Variants in DPY19L3 observed in about 807,000 individuals in gnomAD.
DPY19L3 encodes protein C-mannosyl-transferase DPY19L3.
In DPY19L3, 51 loss-of-function variants were observed where a neutral mutation model predicts 92.3. The observed-to-expected ratio is 0.55, with a 90% CI of 0.44 to 0.70. The LOEUF (loss-of-function observed/expected upper bound fraction) is 0.70, where lower values mean the gene tolerates loss of function less well. Ranked by LOEUF, DPY19L3 falls within the 30% of genes least tolerant of loss-of-function variation. The pLI, the probability that DPY19L3 is intolerant of heterozygous loss-of-function variation, is 0.00. For missense variants in DPY19L3, 706 were observed against 855.9 expected (o/e 0.82, Z 2.18); for synonymous variants, 309 against 315.2 (o/e 0.98, Z 0.21).
chr19:32,455,050 T>G lies in DPY19L3; in HGVS notation c.1089+10T>G. 6.9e-7 allele frequency: 1 copy of G among 1,445,280 alleles called. No homozygotes were observed. Among genetic ancestry groups the G allele is most frequent in the Non-Finnish European group, 9.4e-7 (1 of 1,065,248 alleles). The allele number at this position is 1,445,280 out of a possible 1,614,324, so 89.5% of individuals were successfully genotyped here. ...CAACAACATAATTAAGGTAAGTTAA[T>G]AAAAATGACATGTTTAATGTATTTT... On this transcript the variant is annotated intron_variant, in intron 10 of 18. Transcript: ENST00000392250.
intron 3 of DPY19L3, among the ~76,000 whole-genome samples, chr19:32,427,554 TA>T (rs962440354): frequency 7.9e-5 from 12 of 152,328 alleles, no homozygotes; most frequent in African/African-American, 2.9e-4. Context: ...TTAGAATAGA[TA>T]GGGGTAATCC....
chr19:32,447,410 T>C (rs1054420086), intron 8 of DPY19L3, among the ~76,000 whole-genome samples: 1 of 151,928 alleles, frequency 6.6e-6, no homozygotes, highest in African/African-American at 2.4e-5. Flanking sequence ...ACATGAATAA[T>C]AGAATTAATT....
At chr19:32,437,138 C>T in intron 5 of DPY19L3, 56 bp from the exon 6 acceptor site, 2 of 1,601,086 alleles carry the variant, frequency 1.2e-6, no homozygotes, top group Non-Finnish European at 1.7e-6. Context: ...TTTTAAATGG[C>T]ACTGAGGAGG....
chr19:32,479,668 A>G (rs980639488), intron 17 of DPY19L3: 2 of 390,258 alleles, frequency 5.1e-6, no homozygotes, highest in African/African-American at 4.3e-5. Flanking sequence ...GAACCCCCAC[A>G]TTCAACACCT....
chr19:32,436,975 T>C (rs561123041), intron 5 of DPY19L3, among the ~76,000 whole-genome samples: 2 of 151,100 alleles, frequency 1.3e-5, no homozygotes, highest in African/African-American at 2.4e-5. Flanking sequence ...GAGTAAAGAG[T>C]GAAGCCAGAC....
At chr19:32,460,403 C>G (rs999698183) in intron 12 of DPY19L3, among the ~76,000 whole-genome samples, 2 of 151,854 alleles carry the variant, frequency 1.3e-5, no homozygotes, top group African/African-American at 2.4e-5. Context: ...AGAGTGAGAC[C>G]CTATCTCTAT....
intron 3 of DPY19L3, among the ~76,000 whole-genome samples, chr19:32,418,564 A>G (rs2145421415): frequency 6.6e-6 from 1 of 152,346 alleles, no homozygotes; most frequent in Non-Finnish European, 1.5e-5. Flanking sequence ...AATTATAAAT[A>G]TCACTGAACA....
At chr19:32,429,031 TA>T (rs1968869410) in intron 3 of DPY19L3, among the ~76,000 whole-genome samples, 1 of 151,980 alleles carries the variant, frequency 6.6e-6, no homozygotes, top group South Asian at 2.1e-4. Context: ...GTATTTTTAG[TA>T]GAGACGGGGT....
chr19:32,433,444 G>A (rs1283538081), intron 4 of DPY19L3, among the ~76,000 whole-genome samples: 3 of 152,158 alleles, frequency 2.0e-5, no homozygotes, highest in African/African-American at 7.2e-5. Context: ...TTGAGACAGG[G>A]TCTCACTCTG....
intron 15 of DPY19L3, among the ~76,000 whole-genome samples, chr19:32,467,098 C>T (rs778616390): frequency 1.3e-5 from 2 of 152,150 alleles, no homozygotes; most frequent in African/African-American, 4.8e-5. Flanking sequence ...GCCTGCACTC[C>T]GAAGTCAAGA....
chr19:32,428,992 C>T (rs946032903), intron 3 of DPY19L3, among the ~76,000 whole-genome samples: 11 of 152,118 alleles, frequency 7.2e-5, no homozygotes, highest in Admixed American at 2.6e-4. Context: ...GGATTACAGG[C>T]GCCTGCCACC....
At chr19:32,450,559 T>TA (rs1969666562) in intron 8 of DPY19L3, among the ~76,000 whole-genome samples, 1 of 152,222 alleles carries the variant, frequency 6.6e-6, no homozygotes, top group East Asian at 1.9e-4. Flanking sequence ...AGAATGTTGA[T>TA]ACATGGTGCA....
chr19:32,419,034 A>G (rs1340034158), intron 3 of DPY19L3, among the ~76,000 whole-genome samples: 1 of 152,004 alleles, frequency 6.6e-6, no homozygotes, highest in Non-Finnish European at 1.5e-5. Flanking sequence ...TATTGTCTTC[A>G]TTGTATTATA....
Position 32,482,751 on chromosome 19 carries a change from G to C in DPY19L3, c.*511G>C, listed in dbSNP as rs557918198. On this transcript the variant is annotated 3_prime_UTR_variant, in exon 19 of 19. Coordinates refer to ENST00000392250, the MANE Select transcript of DPY19L3 (RefSeq NM_001172774.2). ...TAAAATGTTATAATATTTTCCAGTTGTCATGCTGTCAACATTAACAAAAAA... is the reference window on the plus strand; with the variant it reads ...TAAAATGTTATAATATTTTCCAGTTCTCATGCTGTCAACATTAACAAAAAA... 4.5e-4 allele frequency: 69 copies of C among 152,922 alleles called. No homozygotes were observed. Among genetic ancestry groups the C allele is most frequent in the African/African-American group, 1.6e-3 (67 of 41,528 alleles). 9.5% of individuals were successfully genotyped at this position (152,922 alleles called of 1,614,324 possible). A position where few individuals can be genotyped will look rare whatever the true frequency, so the allele number is the denominator to read the frequency against.
chr19:32,479,964 G>A (rs71351166), intron 17 of DPY19L3, among the ~76,000 whole-genome samples: 8,808 of 152,290 alleles, frequency 0.058, 395 homozygotes, highest in East Asian at 0.28. Context: ...TTCAGAAGCT[G>A]GGGCTCTGCC....
intron 3 of DPY19L3, among the ~76,000 whole-genome samples, chr19:32,432,374 T>G (rs1968997739): frequency 6.6e-6 from 1 of 152,232 alleles, no homozygotes; most frequent in Admixed American, 6.5e-5. Flanking sequence ...TTGGTAGCTT[T>G]TAGGTAGGTG....
intron 9 of DPY19L3, 31 bp from the exon 10 acceptor site, chr19:32,454,908 A>G (rs1969819149): frequency 7.3e-7 from 1 of 1,373,942 alleles, no homozygotes; most frequent in African/African-American, 1.5e-5. Context: ...TTAAAACTTA[A>G]GAATTAAAAC....
At chr19:32,420,101 G>A (rs987278609) in intron 3 of DPY19L3, among the ~76,000 whole-genome samples, 3 of 150,798 alleles carry the variant, frequency 2.0e-5, no homozygotes, top group Admixed American at 6.6e-5. Flanking sequence ...CTCATGATCC[G>A]CCCGCCTCAG....
chr19:32,421,357 C>T (rs1211968602), intron 3 of DPY19L3, among the ~76,000 whole-genome samples: 2 of 152,028 alleles, frequency 1.3e-5, no homozygotes, highest in African/African-American at 4.8e-5. Flanking sequence ...GAAGAGTCTG[C>T]GGCCAGGCAA....
Sources: allele counts gnomAD v4.1 joint callset (sites outside exome capture counted in the v4.1 genomes callset), GRCh38; gene constraint gnomAD v4.1.1; transcripts MANE v1.5; gene names NCBI Gene and HGNC (gene_info 2026-07-23, HGNC 2026-07-21).